Variants in FABP9 observed in about 807,000 individuals in gnomAD.
The protein encoded by FABP9 is fatty acid binding protein 9, also known as fatty acid-binding protein 9.
A neutral mutation model predicts 14.7 loss-of-function variants in FABP9; 11 were observed. The ratio of observed to expected loss-of-function variants is 0.75; its 90% CI spans 0.47 to 1.24. The LOEUF is 1.24. Ranked by LOEUF, FABP9 falls within the 50% of genes most tolerant of loss-of-function variation. The pLI is 0.00. For synonymous variants in FABP9, 54 were observed against 50.6 expected (o/e 1.07, Z -0.29); for missense variants, 171 against 158.2 (o/e 1.08, Z -0.44).
chr8:81,461,499 A>G lies in FABP9; in HGVS notation c.25T>C (p.Trp9Arg). Residue 9 changes from tryptophan (W) to arginine (R), a missense_variant, in exon 1 of 4, where the codon TGG becomes CGG. Coordinates refer to ENST00000379071, the MANE Select transcript of FABP9 (RefSeq NM_001080526.2). MVEPFLGT[W>R]KLVSSENFED... The stretch of plus-strand genomic sequence containing the variant: ...AAGTTTTCACTGGAGACCAGCTTCC[A>G]GGTTCCCAAGAAGGGCTCAACCATC... 1 of 1,613,724 alleles carries G rather than the reference A, an allele frequency of 6.2e-7. No homozygotes were observed. Among genetic ancestry groups the G allele is most frequent in the South Asian group, 1.1e-5 (1 of 91,060 alleles).
In FABP9 at chr8:81,459,195, A is replaced by G. The variant is rs61736846; in HGVS notation, c.216T>C (p.Asp72=). 6.3e-3 allele frequency: 10,071 copies of G among 1,590,386 alleles called. 524 individuals are homozygous for G. The African/African-American group carries it at 0.12, about 19-fold the overall frequency. Residue 72 remains aspartate (D), a synonymous_variant, in exon 2 of 4, where the codon GAT becomes GAC. Coordinates refer to ENST00000379071, the MANE Select transcript of FABP9 (RefSeq NM_001080526.2). The part of the protein sequence containing the change: ...KISFKLGEEF[D]ETTADNRKVK... The stretch of plus-strand genomic sequence containing the variant: ...CTTTCCGGTTGTCTGCTGTAGTTTC[A>G]TCAAATTCTTCCCCCAGCTTGAAGG...
chr8:81,460,373 C>A (rs1807672684), intron 1 of FABP9, among the ~76,000 whole-genome samples: 2 of 152,188 alleles, frequency 1.3e-5, no homozygotes, highest in South Asian at 2.1e-4. Context: ...AGCTGTTATT[C>A]TTGCTTGTAT....
Position 81,459,293 on chromosome 8 carries a change from T to C in FABP9, c.118A>G (p.Thr40Ala). The C allele has an allele frequency of 6.4e-7, 1 of 1,565,118 alleles. No individual in the cohort carries two copies. Residue 40 changes from threonine to alanine, a missense_variant, in exon 2 of 4, where the codon ACA becomes GCA. Transcript: ENST00000379071. Reference sequence around the variant, plus strand: ...TTCCCATCAACACTAATAGTTACTGTCGGTTTCACTAACCCTGCCATGTTC... The same window carrying C: ...TTCCCATCAACACTAATAGTTACTGCCGGTTTCACTAACCCTGCCATGTTC... ...ARNMAGLVKP[T>A]VTISVDGKMM...
At chr8:81,460,623 C>G (rs1338702646) in intron 1 of FABP9, among the ~76,000 whole-genome samples, 15 of 151,924 alleles carry the variant, frequency 9.9e-5, no homozygotes, top group Admixed American at 9.2e-4. Context: ...ATTTCATTGT[C>G]TAGAATGAGT....
chr8:81,461,381 G>C (rs62513549), intron 1 of FABP9, 70 bp downstream of exon 1: 89,292 of 1,010,860 alleles, frequency 0.088, 4,775 homozygotes, highest in Admixed American at 0.18. Flanking sequence ...GAAAATTCAT[G>C]GTAAAGTACA....
chr8:81,459,235 T>C lies in FABP9; in HGVS notation c.176A>G (p.Gln59Arg). Residue 59 changes from glutamine to arginine, a missense_variant, in exon 2 of 4, where the codon CAG becomes CGG. Physicochemically the swap from Gln to Arg is conservative, Grantham distance 43. Coordinates refer to ENST00000379071, the MANE Select transcript of FABP9 (RefSeq NM_001080526.2). ...CAGCTTGAAGGAGATCTTAGTGTCC[T>C]GGAAAGAACTTTCTGTTCTTATGGT... ...MMTIRTESSFQDTKISFKLGE... is the reference protein window; with the variant it reads ...MMTIRTESSFRDTKISFKLGE... The C allele has an allele frequency of 6.3e-7, 1 of 1,588,670 alleles. No homozygotes were observed. The highest frequency in any genetic ancestry group is 8.5e-7 in the Non-Finnish European group (1 of 1,171,814).
Position 81,459,180 on chromosome 8 carries a change from G to T in FABP9, c.231C>A (p.Asp77Glu). The T allele has an allele frequency of 6.3e-7, 1 of 1,588,200 alleles. No individual in the cohort carries two copies. The highest frequency in any genetic ancestry group is 8.5e-7 in the Non-Finnish European group (1 of 1,171,644). ...LGEEFDETTA[D>E]NRKVKSTITL... ...TAGTTCTGACCTTTACTTTCCGGTTGTCTGCTGTAGTTTCATCAAATTCTT... is the reference window on the plus strand; with the variant it reads ...TAGTTCTGACCTTTACTTTCCGGTTTTCTGCTGTAGTTTCATCAAATTCTT... The change falls in exon 2 of 4, where the codon GAC becomes GAA. Residue 77 changes from aspartate to glutamate, a missense_variant. By Grantham distance (45) the Asp-to-Glu change is conservative. Transcript: ENST00000379071.
At chr8:81,460,810 T>C (rs1807680568) in intron 1 of FABP9, among the ~76,000 whole-genome samples, 1 of 152,182 alleles carries the variant, frequency 6.6e-6, no homozygotes, top group Admixed American at 6.5e-5. Context: ...AGTTTAGCTA[T>C]TATACACCCA....
At position 81,459,219 on chromosome 8, in the gene FABP9, G is replaced by A. The variant is rs1369055170; in HGVS notation, c.192C>T (p.Ser64=). The change falls in exon 2 of 4, where the codon TCC becomes TCT. Residue 64 remains serine, a synonymous_variant. Transcript: ENST00000379071. ...TESSFQDTKI[S]FKLGEEFDET... ...CATCAAATTCTTCCCCCAGCTTGAA[G>A]GAGATCTTAGTGTCCTGGAAAGAAC... 6.3e-7 allele frequency: 1 copy of A among 1,593,200 alleles called. No individual in the cohort carries two copies. The highest frequency in any genetic ancestry group is 8.5e-7 in the Non-Finnish European group (1 of 1,172,758).
chr8:81,459,098 TA>T, intron 2 of FABP9, 66 bp downstream of exon 2: 1 of 1,397,346 alleles, frequency 7.2e-7, no homozygotes, highest in Non-Finnish European at 9.7e-7. Flanking sequence ...CAAATTACAG[TA>T]AACCATGCCT....
intron 3 of FABP9, 51 bp downstream of exon 3, chr8:81,458,551 G>T: frequency 2.7e-6 from 4 of 1,495,124 alleles, no homozygotes; most frequent in Non-Finnish European, 3.7e-6. Flanking sequence ...TAACTTGAAA[G>T]GCATGTATCA....
In FABP9 at chr8:81,459,356, C is replaced by T. The variant is rs371000610; in HGVS notation, c.74-19G>A. On this transcript the variant is annotated intron_variant, in intron 1 of 3. Transcript: ENST00000379071. The stretch of plus-strand genomic sequence containing the variant: ...TTCACTCCTACAAGACAGAGATAGC[C>T]TTGGACCTTATTAAGACATTGTTAA... 7.2e-5 allele frequency: 107 copies of T among 1,492,004 alleles called. No individual in the cohort carries two copies. Among genetic ancestry groups the T allele is most frequent in the Non-Finnish European group, 9.1e-5 (103 of 1,130,410 alleles). The allele number at this position is 1,492,004 out of a possible 1,614,324, so 92.4% of individuals were successfully genotyped here.
rs201747858 is a variant in FABP9, at chr8:81,461,546, G to T, written c.-23C>A. The T allele has an allele frequency of 4.4e-5, 70 of 1,593,666 alleles. No individual in the cohort carries two copies. Among genetic ancestry groups the T allele is most frequent in the African/African-American group, 1.3e-5 (1 of 74,458 alleles). Reference sequence around the variant, plus strand: ...CATCATGGAACACTTGCTGAGAAGAGCCACTCGTAATTGAAAACCAAAGAA... The same window carrying T: ...CATCATGGAACACTTGCTGAGAAGATCCACTCGTAATTGAAAACCAAAGAA... On this transcript the variant is annotated 5_prime_UTR_variant, in exon 1 of 4. Coordinates refer to ENST00000379071, the MANE Select transcript of FABP9 (RefSeq NM_001080526.2).
At chr8:81,458,999 T>C (rs1410754702) in intron 2 of FABP9, among the ~76,000 whole-genome samples, 166 bp downstream of exon 2, 1 of 152,232 alleles carries the variant, frequency 6.6e-6, no homozygotes, top group Non-Finnish European at 1.5e-5. Flanking sequence ...TTAGCCCTAT[T>C]GTTAACCATC....
chr8:81,461,393 A>G (rs1439908203), intron 1 of FABP9, 58 bp downstream of exon 1: 1 of 1,148,026 alleles, frequency 8.7e-7, no homozygotes, highest in African/African-American at 1.5e-5. Flanking sequence ...TAAAGTACAA[A>G]CCCAATCACA....
chr8:81,459,265 AT>A lies in FABP9; in HGVS notation c.145del (p.Met49Ter). ...AGAACTTTCTGTTCTTATGGTCATCATTTTCCCATCAACACTAATAGTTACT... is the reference window on the plus strand; with the variant it reads ...AGAACTTTCTGTTCTTATGGTCATCATTTCCCATCAACACTAATAGTTACT... ...PTVTISVDGKMMTIRTESSFQ... is the reference protein window; with the variant it reads ...PTVTISVDGKXMTIRTESSFQ... On this transcript the variant is annotated frameshift_variant, in exon 2 of 4. Coordinates refer to ENST00000379071, the MANE Select transcript of FABP9 (RefSeq NM_001080526.2). LOFTEE classifies it high-confidence loss of function. The A allele has an allele frequency of 1.9e-6, 3 of 1,580,496 alleles. No homozygotes were observed. Among genetic ancestry groups the A allele is most frequent in the East Asian group, 2.3e-5 (1 of 42,802 alleles).
chr8:81,458,981 T>A (rs545770266), intron 2 of FABP9, among the ~76,000 whole-genome samples, 184 bp downstream of exon 2: 2 of 152,230 alleles, frequency 1.3e-5, no homozygotes, highest in Non-Finnish European at 2.9e-5. Context: ...GAAAACAATT[T>A]GAATCTTTTA....
chr8:81,458,703 T>C lies in FABP9; in HGVS notation c.247A>G (p.Ser83Gly). Reference protein sequence around the residue: ...ETTADNRKVKSTITLENGSMI... With the variant: ...ETTADNRKVKGTITLENGSMI... ...GAGCCATTCTCTAATGTTATGGTGC[T>C]CTATAAATGCATAAAGAAATCAGAA... is the stretch of plus-strand genomic sequence containing the variant. Residue 83 changes from serine (S) to glycine (G), a missense_variant and splice_region_variant, in exon 3 of 4, where the codon AGC becomes GGC. Physicochemically the swap from Ser to Gly is moderately conservative, Grantham distance 56. Coordinates refer to ENST00000379071, the MANE Select transcript of FABP9 (RefSeq NM_001080526.2). 1 of 1,608,134 alleles carries C rather than the reference T, an allele frequency of 6.2e-7. No individual in the cohort carries two copies. The highest frequency in any genetic ancestry group is 8.5e-7 in the Non-Finnish European group (1 of 1,175,166).
At position 81,458,628 on chromosome 8, in the gene FABP9, T is replaced by G. The variant is rs1387952065; in HGVS notation, c.322A>C (p.Lys108Gln). ...ACTACCATTTTTTCATCCACAATTTTTCTTTTGATTGTTGTCTCTTTGCCA... is the reference window on the plus strand; with the variant it reads ...ACTACCATTTTTTCATCCACAATTTGTCTTTTGATTGTTGTCTCTTTGCCA... ...WLGKETTIKR[K>Q]IVDEKMVVEC... Residue 108 changes from lysine to glutamine, a missense_variant, in exon 3 of 4, where the codon AAA becomes CAA. Transcript: ENST00000379071. The G allele has an allele frequency of 3.7e-6, 6 of 1,613,550 alleles. No individual in the cohort carries two copies. Among genetic ancestry groups the G allele is most frequent in the Non-Finnish European group, 5.1e-6 (6 of 1,179,710 alleles).
Sources: gnomAD v4.1 joint callset for allele counts (sites outside exome capture counted in the v4.1 genomes callset) on GRCh38, gnomAD v4.1.1 for gene constraint, MANE v1.5 for transcripts, NCBI Gene and HGNC (gene_info 2026-07-23, HGNC 2026-07-21) for gene names.